CEP170: variants seen among roughly 807,000 people sequenced by gnomAD.
CEP170 encodes the protein centrosomal protein of 170 kDa.
A neutral mutation model predicts 151.9 loss-of-function variants in CEP170; 21 were observed. That is an observed-to-expected ratio of 0.14 (90% CI 0.10 to 0.20). The LOEUF (loss-of-function observed/expected upper bound fraction) is 0.20. Ranked by LOEUF, CEP170 falls within the 10% of genes least tolerant of loss-of-function variation. CEP170 has a pLI of 1.00. For missense variants in CEP170, 964 were observed against 1,892.9 expected, an observed-to-expected ratio of 0.51 and a Z score of 9.11; for synonymous variants, 356 against 648.8, an observed-to-expected ratio of 0.55 and a Z score of 6.86.
intron 1 of CEP170, among the ~76,000 whole-genome samples, chr1:243,228,327 C>A (rs979429067): frequency 6.6e-6 from 1 of 152,172 alleles, no homozygotes; most frequent in Admixed American, 6.5e-5. Flanking sequence ...CCCTCCTCAG[C>A]TTATTTGATA....
chr1:243,221,590 G>A (rs1335180674), intron 3 of CEP170, 134 bp downstream of exon 3: 2 of 843,928 alleles, frequency 2.4e-6, no homozygotes, highest in South Asian at 1.9e-5. Context: ...AAAGTGCTAT[G>A]TACCTGATAA....
intron 3 of CEP170, among the ~76,000 whole-genome samples, chr1:243,213,913 G>A (rs537168723): frequency 2.6e-5 from 4 of 152,222 alleles, no homozygotes; most frequent in African/African-American, 7.2e-5. Context: ...GTCTCACTAT[G>A]TCACCCAGGC....
chr1:243,127,968 A>G (rs1157091915), intron 19 of CEP170, among the ~76,000 whole-genome samples: 1 of 152,230 alleles, frequency 6.6e-6, no homozygotes, highest in Non-Finnish European at 1.5e-5. Flanking sequence ...TATTATTTAT[A>G]TGTAATACAT....
At chr1:243,231,888 C>T (rs370595571) in intron 1 of CEP170, among the ~76,000 whole-genome samples, 64 of 152,088 alleles carry the variant, frequency 4.2e-4, no homozygotes, top group African/African-American at 1.5e-3. Context: ...ATTAATAATA[C>T]ACCTAAAGCA....
At chr1:243,243,476 C>CA (rs1251299987) in intron 1 of CEP170, among the ~76,000 whole-genome samples, 1 of 151,724 alleles carries the variant, frequency 6.6e-6, no homozygotes, top group Non-Finnish European at 1.5e-5. Flanking sequence ...AAAACAAAAA[C>CA]AAAATTCAAC....
At chr1:243,180,236 A>G (rs2059535666) in intron 10 of CEP170, among the ~76,000 whole-genome samples, 1 of 152,168 alleles carries the variant, frequency 6.6e-6, no homozygotes, top group South Asian at 2.1e-4. Flanking sequence ...AGGAAAATAA[A>G]TAGAATTTCA....
chr1:243,147,789 C>A (rs1018211403), intron 14 of CEP170, among the ~76,000 whole-genome samples: 2 of 152,084 alleles, frequency 1.3e-5, no homozygotes, highest in Non-Finnish European at 2.9e-5. Context: ...GGAACTTCTA[C>A]GTAAAAATTT....
chr1:243,193,363 T>G (rs951121654), intron 7 of CEP170, among the ~76,000 whole-genome samples: 1 of 151,966 alleles, frequency 6.6e-6, no homozygotes, highest in Non-Finnish European at 1.5e-5. Context: ...TCCCCCCATA[T>G]AGATATATAC....
chr1:243,240,524 T>C (rs2064725698), intron 1 of CEP170, among the ~76,000 whole-genome samples: 1 of 152,100 alleles, frequency 6.6e-6, no homozygotes. Flanking sequence ...CTTGCGGAGA[T>C]TTTTACACAC....
chr1:243,129,701 A>G (rs1409871262), intron 17 of CEP170, among the ~76,000 whole-genome samples: 2 of 152,122 alleles, frequency 1.3e-5, no homozygotes. Flanking sequence ...ATTGAAAACA[A>G]AATATAAAAC....
At chr1:243,221,496 G>C in intron 3 of CEP170, 2 of 481,436 alleles carry the variant, frequency 4.2e-6, no homozygotes, top group Non-Finnish European at 7.3e-6. Flanking sequence ...AGCCATCACA[G>C]ACAATGACAA....
intron 8 of CEP170, among the ~76,000 whole-genome samples, chr1:243,188,355 C>G (rs2060066160): frequency 6.6e-6 from 1 of 152,164 alleles, no homozygotes; most frequent in Admixed American, 6.5e-5. Flanking sequence ...TTTCAAATAT[C>G]TTTCCTATAA....
intron 3 of CEP170, among the ~76,000 whole-genome samples, chr1:243,221,000 T>C (rs1301831716): frequency 2.6e-5 from 4 of 152,184 alleles, no homozygotes; most frequent in African/African-American, 9.7e-5. Context: ...TTGTCTACTC[T>C]CTGGCACCTT....
intron 4 of CEP170, among the ~76,000 whole-genome samples, chr1:243,206,739 A>G (rs1328146463): frequency 6.6e-6 from 1 of 152,240 alleles, no homozygotes; most frequent in African/African-American, 2.4e-5. Context: ...ATAACAATGT[A>G]GTATGGGGTT....
At chr1:243,221,956 G>C in intron 2 of CEP170, 143 bp from the exon 3 acceptor site, 1 of 631,494 alleles carries the variant, frequency 1.6e-6, no homozygotes, top group Non-Finnish European at 2.5e-6. Context: ...GATTAAAACG[G>C]TGCCACTATA....
At chr1:243,178,083 T>C (rs944811365) in intron 10 of CEP170, among the ~76,000 whole-genome samples, 91 of 152,016 alleles carry the variant, frequency 6.0e-4, no homozygotes, top group Non-Finnish European at 2.6e-4. Context: ...ATTCCAGCAC[T>C]TTGGGAGGCC....
chr1:243,166,688 T>C (rs1025764740), intron 12 of CEP170: 1 of 152,258 alleles, frequency 6.6e-6, no homozygotes, highest in Non-Finnish European at 1.5e-5. Context: ...GGAAGGCCAA[T>C]TGTATGAGAT....
chr1:243,248,648 G>C (rs532336567), intron 1 of CEP170, among the ~76,000 whole-genome samples: 1 of 152,242 alleles, frequency 6.6e-6, no homozygotes, highest in South Asian at 2.1e-4. Flanking sequence ...TGTCGCTCTA[G>C]TCTAAGCCAT....
rs568089021 is a variant in CEP170, at chr1:243,154,512, CA to C, written c.3911+1708del. 2.6e-3 allele frequency among the ~76,000 whole-genome samples: 388 copies of C among 151,754 alleles called. 1 individual carries two copies. The highest frequency in any genetic ancestry group is 8.8e-3 in the African/African-American group (364 of 41,406). ...TCCTTTTTTCTCCACATAAAACAAACAAAAAAACCACTTCTCTGGCTTTGAG... is the reference window on the plus strand; with the variant it reads ...TCCTTTTTTCTCCACATAAAACAAACAAAAAACCACTTCTCTGGCTTTGAG... On this transcript the variant is annotated intron_variant, in intron 14 of 19. Transcript: ENST00000366542.
Sources: gnomAD v4.1 joint callset for allele counts (sites outside exome capture counted in the v4.1 genomes callset) on GRCh38, gnomAD v4.1.1 for gene constraint, MANE v1.5 for transcripts, NCBI Gene and HGNC (gene_info 2026-07-23, HGNC 2026-07-21) for gene names.